The following KLHL20 variants were observed in gnomAD, a reference collection of about 807,000 sequenced individuals.
KLHL20 encodes kelch-like protein 20.
In KLHL20, 29 loss-of-function variants were observed where a neutral mutation model predicts 69.5. That is an observed-to-expected ratio of 0.42 (90% CI 0.31 to 0.57). The LOEUF (loss-of-function observed/expected upper bound fraction) is 0.57, where lower values mean the gene tolerates loss of function less well. Among genes scored for constraint, KLHL20 ranks in the 20% least tolerant of loss-of-function variants. The pLI is 0.18. For synonymous variants in KLHL20, 253 were observed against 265.2 expected (o/e 0.95, Z 0.45); for missense variants, 419 against 776.0 (o/e 0.54, Z 5.47).
chr1:173,724,082 C>T (rs998091141), intron 2 of KLHL20, among the ~76,000 whole-genome samples: 10 of 151,972 alleles, frequency 6.6e-5, no homozygotes, highest in South Asian at 4.2e-4. Context: ...ATGATATCAC[C>T]GCAATCAAGG....
rs757705662 is a variant in KLHL20 at position 173,734,175 on chromosome 1, G to A, written c.486G>A (p.Lys162=). The A allele has an allele frequency of 1.2e-6, 2 of 1,614,204 alleles. No individual in the cohort carries two copies. Among genetic ancestry groups the A allele is most frequent in the Non-Finnish European group, 1.7e-6 (2 of 1,180,042 alleles). The change falls in exon 3 of 12, where the codon AAG becomes AAA. Residue 162 remains lysine (K), a synonymous_variant. Transcript: ENST00000209884. ...AGGAAGCCTGCTGTGAATTCTTAAA[G>A]AGACAATTAGATCCTTCTAACTGCC... ...EIQEACCEFL[K]RQLDPSNCLG...
chr1:173,754,922 C>A (rs1673473741), intron 5 of KLHL20, among the ~76,000 whole-genome samples: 3 of 152,124 alleles, frequency 2.0e-5, no homozygotes, highest in Admixed American at 2.0e-4. Context: ...GCACTTAAAA[C>A]CAGGACTAGC....
rs1011231037 is a variant in KLHL20, at chr1:173,774,554, T to C, written c.1429+116T>C. ...TCCTATAATTTACTAGGAAAATGCCTGATTTTTCCCTCCAGCAGAGTGCAG... is the reference window on the plus strand; with the variant it reads ...TCCTATAATTTACTAGGAAAATGCCCGATTTTTCCCTCCAGCAGAGTGCAG... On this transcript the variant is annotated intron_variant, in intron 9 of 11. Coordinates refer to ENST00000209884, the MANE Select transcript of KLHL20 (RefSeq NM_014458.4). The C allele has an allele frequency of 6.7e-5, 78 of 1,165,868 alleles. 3 individuals are homozygous for C. The Admixed American group carries it at 1.6e-3, about 24-fold the overall frequency. 72.2% of individuals were successfully genotyped at this position (1,165,868 alleles called of 1,614,324 possible).
chr1:173,722,687 ATTT>A (rs66503240), intron 2 of KLHL20, among the ~76,000 whole-genome samples: 1 of 138,304 alleles, frequency 7.2e-6, no homozygotes, highest in Non-Finnish European at 1.6e-5. Context: ...TGCTATGGTA[ATTT>A]TTTTTTTTTT....
chr1:173,780,583 G>A (rs6686623), intron 10 of KLHL20, among the ~76,000 whole-genome samples: 1,912 of 152,180 alleles, frequency 0.013, 39 homozygotes, highest in African/African-American at 0.041. Context: ...TTTGAGACCC[G>A]CGTGGGCAAC....
At chr1:173,740,402 G>T (rs1429635067) in intron 3 of KLHL20, among the ~76,000 whole-genome samples, 2 of 151,936 alleles carry the variant, frequency 1.3e-5, no homozygotes, top group Non-Finnish European at 2.9e-5. Flanking sequence ...GAGCCACCAT[G>T]CCCGGCCTAT....
At chr1:173,728,501 C>T (rs1672090874) in intron 2 of KLHL20, among the ~76,000 whole-genome samples, 1 of 152,186 alleles carries the variant, frequency 6.6e-6, no homozygotes, top group African/African-American at 2.4e-5. Context: ...AAGTAAAGCT[C>T]TCCTCAGCAA....
intron 3 of KLHL20, among the ~76,000 whole-genome samples, chr1:173,740,554 G>A (rs145472537): frequency 9.4e-4 from 143 of 152,018 alleles, no homozygotes; most frequent in Non-Finnish European, 1.6e-3. Context: ...TCTTAGCACC[G>A]CTTTTGCTGT....
chr1:173,784,200 G>T (rs925890372), intron 11 of KLHL20, among the ~76,000 whole-genome samples: 1 of 152,212 alleles, frequency 6.6e-6, no homozygotes, highest in African/African-American at 2.4e-5. Flanking sequence ...AAGCAGGGGA[G>T]GGGGCTAGGG....
chr1:173,778,905 A>G (rs997586025), intron 10 of KLHL20, among the ~76,000 whole-genome samples: 2 of 151,928 alleles, frequency 1.3e-5, no homozygotes, highest in Non-Finnish European at 2.9e-5. Flanking sequence ...TTCAAAAGTC[A>G]ACTTTTCATT....
intron 3 of KLHL20, among the ~76,000 whole-genome samples, chr1:173,735,336 C>T (rs1201629826): frequency 6.6e-6 from 1 of 151,846 alleles, no homozygotes; most frequent in Non-Finnish European, 1.5e-5. Context: ...GTCCCAGCTA[C>T]TTAGGAGGCT....
intron 8 of KLHL20, among the ~76,000 whole-genome samples, chr1:173,767,933 C>A (rs1414618977): frequency 3.3e-5 from 5 of 151,954 alleles, no homozygotes; most frequent in Non-Finnish European, 7.4e-5. Context: ...TGCTTTGGGG[C>A]ACATAACCTG....
At chr1:173,756,138 A>ATT in intron 6 of KLHL20, 100 bp downstream of exon 6, 1 of 802,202 alleles carries the variant, frequency 1.2e-6, no homozygotes, top group Non-Finnish European at 2.1e-6. Context: ...TACTGTCATA[A>ATT]GACACAAATA....
Position 173,740,191 on chromosome 1 carries a change from G to A in KLHL20, c.597+5905G>A, listed in dbSNP as rs541719715. On this transcript the variant is annotated intron_variant, in intron 3 of 11. Coordinates refer to ENST00000209884, the MANE Select transcript of KLHL20 (RefSeq NM_014458.4). ...GGCTGGAGTGCAGTGGCGCGATTTC[G>A]GCTCACTGCAAGCTCCGCCTTCTGG... Among the ~76,000 whole-genome samples, 8 of 147,168 alleles carry A rather than the reference G, an allele frequency of 5.4e-5. No homozygotes were observed. The South Asian group carries it at 6.5e-4, about 12-fold the overall frequency.
At chr1:173,784,700 A>G (rs1024965611) in intron 11 of KLHL20, among the ~76,000 whole-genome samples, 1 of 152,226 alleles carries the variant, frequency 6.6e-6, no homozygotes, top group African/African-American at 2.4e-5. Flanking sequence ...TTTGTTCTAT[A>G]AAGGACTTGA....
intron 8 of KLHL20, among the ~76,000 whole-genome samples, chr1:173,769,809 A>G (rs1647973310): frequency 6.6e-6 from 1 of 151,342 alleles, no homozygotes; most frequent in African/African-American, 2.4e-5. Flanking sequence ...AAATTTAAGG[A>G]TACCCCATTC....
intron 2 of KLHL20, 96 bp from the exon 3 acceptor site, chr1:173,733,614 AATT>A: frequency 9.4e-7 from 1 of 1,060,660 alleles, no homozygotes; most frequent in Non-Finnish European, 1.4e-6. Flanking sequence ...TCACCAAGCT[AATT>A]ACATTTCCTT....
chr1:173,755,901 A>G (rs1172426539), intron 5 of KLHL20, 22 bp from the exon 6 acceptor site: 1 of 1,512,854 alleles, frequency 6.6e-7, no homozygotes. Flanking sequence ...TATTTGGAAT[A>G]AAGGCAGAAT....
chr1:173,785,031 T>C, intron 11 of KLHL20, 132 bp from the exon 12 acceptor site: 1 of 647,634 alleles, frequency 1.5e-6, no homozygotes, highest in Non-Finnish European at 2.6e-6. Flanking sequence ...ACAATATTAG[T>C]GTGAAGCTGA....
Sources: allele counts gnomAD v4.1 joint callset (sites outside exome capture counted in the v4.1 genomes callset), GRCh38; gene constraint gnomAD v4.1.1; transcripts MANE v1.5; gene names NCBI Gene and HGNC (gene_info 2026-07-23, HGNC 2026-07-21).